Variants in SLC5A4 observed in about 807,000 individuals in gnomAD.
SLC5A4 encodes probable glucose sensor protein SLC5A4.
A neutral mutation model predicts 70.3 loss-of-function variants in SLC5A4; 55 were observed. The observed-to-expected ratio is 0.78, with a 90% CI of 0.63 to 0.98. SLC5A4 has a LOEUF of 0.98. SLC5A4 is among the 50% of genes least tolerant of loss of function. SLC5A4 has a pLI of 0.00. For missense variants in SLC5A4, 735 were observed against 839.2 expected (o/e 0.88, Z 1.53); for synonymous variants, 268 against 305.7 (o/e 0.88, Z 1.29).
intron 10 of SLC5A4, 83 bp downstream of exon 10, chr22:32,230,885 G>A: frequency 2.5e-6 from 2 of 794,786 alleles, no homozygotes; most frequent in Admixed American, 2.0e-5. Flanking sequence ...TTAATGGAAG[G>A]TGCAAGAATT....
At chr22:32,350,016 A>G in the SLC5A4 span, among the ~76,000 whole-genome samples, 19 of 152,284 alleles carry the variant, frequency 1.2e-4, no homozygotes, top group African/African-American at 4.3e-4. Context: ...AAAGCAAGGC[A>G]AAACAAAGCA....
At chr22:32,323,897 CTGA>C in the SLC5A4 span, among the ~76,000 whole-genome samples, 1 of 149,364 alleles carries the variant, frequency 6.7e-6, no homozygotes, top group Non-Finnish European at 1.5e-5. Context: ...CTGCTGCAGG[CTGA>C]TATGTTAAAG....
At chr22:32,306,229 G>A in the SLC5A4 span, among the ~76,000 whole-genome samples, 1 of 152,198 alleles carries the variant, frequency 6.6e-6, no homozygotes, top group Admixed American at 6.5e-5. Context: ...ACTTTGGGAG[G>A]CCGAGGCAGG....
chr22:32,353,726 A>C, the SLC5A4 span, among the ~76,000 whole-genome samples: 1 of 151,494 alleles, frequency 6.6e-6, no homozygotes, highest in Admixed American at 6.6e-5. Flanking sequence ...GCAGCACCCA[A>C]TGGCGCCCAG....
intron 5 of SLC5A4, among the ~76,000 whole-genome samples, chr22:32,246,596 T>C (rs1926843401): frequency 6.6e-6 from 1 of 152,144 alleles, no homozygotes. Flanking sequence ...GGTGTGATCT[T>C]GGCTCACTGC....
the SLC5A4 span, chr22:32,268,164 T>C: frequency 6.6e-6 from 1 of 152,166 alleles, no homozygotes; most frequent in African/African-American, 2.4e-5. Context: ...TGTGTTTCAT[T>C]ATGTTTCACT....
intron 12 of SLC5A4, 129 bp downstream of exon 12, chr22:32,225,526 C>T (rs1925340648): frequency 4.8e-6 from 3 of 629,552 alleles, no homozygotes; most frequent in Non-Finnish European, 8.4e-6. Flanking sequence ...TGTGGCTGAC[C>T]TCAACTAAAA....
At chr22:32,314,821 C>CAGAGAG in the SLC5A4 span, among the ~76,000 whole-genome samples, 1 of 152,094 alleles carries the variant, frequency 6.6e-6, no homozygotes, top group South Asian at 2.1e-4. Context: ...GGCAAAGGGA[C>CAGAGAG]AGAGAGAGTG....
chr22:32,351,816 T>G, the SLC5A4 span, among the ~76,000 whole-genome samples: 1 of 149,686 alleles, frequency 6.7e-6, no homozygotes, highest in South Asian at 2.1e-4. Context: ...TGGACTGTTG[T>G]TTGTTAAGGC....
At chr22:32,304,409 TG>T in the SLC5A4 span, among the ~76,000 whole-genome samples, 1 of 151,920 alleles carries the variant, frequency 6.6e-6, no homozygotes, top group Non-Finnish European at 1.5e-5. Flanking sequence ...TCAAAAGTAC[TG>T]GGATTACAGG....
chr22:32,282,248 G>A, the SLC5A4 span, among the ~76,000 whole-genome samples: 1 of 151,998 alleles, frequency 6.6e-6, no homozygotes, highest in Non-Finnish European at 1.5e-5. Flanking sequence ...TGACCTCATG[G>A]ATTCCCTGAG....
At chr22:32,235,878 G>A (rs967126101) in intron 7 of SLC5A4, among the ~76,000 whole-genome samples, 3 of 152,204 alleles carry the variant, frequency 2.0e-5, no homozygotes, top group Non-Finnish European at 4.4e-5. Context: ...AACACTGCTA[G>A]GATCATGTGC....
chr22:32,353,407 G>A, the SLC5A4 span, among the ~76,000 whole-genome samples: 1 of 152,172 alleles, frequency 6.6e-6, no homozygotes, highest in African/African-American at 2.4e-5. Flanking sequence ...TAGAGGGCGC[G>A]GGCCTGGGAA....
chr22:32,235,987 A>G (rs955808697), intron 7 of SLC5A4, among the ~76,000 whole-genome samples: 8 of 152,220 alleles, frequency 5.3e-5, no homozygotes, highest in Non-Finnish European at 1.2e-4. Flanking sequence ...ACAAAAATAC[A>G]TAGGAGACCC....
chr22:32,223,049 T>C (rs1247227450), intron 13 of SLC5A4, among the ~76,000 whole-genome samples: 2 of 152,174 alleles, frequency 1.3e-5, no homozygotes, highest in Non-Finnish European at 2.9e-5. Flanking sequence ...AGCGCTATTA[T>C]ACATTATTAT....
At chr22:32,348,901 C>A in the SLC5A4 span, among the ~76,000 whole-genome samples, 1 of 152,154 alleles carries the variant, frequency 6.6e-6, no homozygotes, top group Non-Finnish European at 1.5e-5. Context: ...TCATAAATGT[C>A]CCATAACTTG....
At chr22:32,286,565 G>A in the SLC5A4 span, among the ~76,000 whole-genome samples, 9 of 152,200 alleles carry the variant, frequency 5.9e-5, no homozygotes, top group African/African-American at 7.2e-5. Flanking sequence ...ATCCTGTCCC[G>A]ACTAATCATT....
chr22:32,248,656 A>G (rs1434220284), intron 4 of SLC5A4, 87 bp downstream of exon 4: 3 of 953,710 alleles, frequency 3.1e-6, no homozygotes, highest in African/African-American at 3.2e-5. Context: ...TTTCCTGGCA[A>G]TACTCATTGT....
At chr22:32,306,853 G>A in the SLC5A4 span, among the ~76,000 whole-genome samples, 2 of 152,290 alleles carry the variant, frequency 1.3e-5, no homozygotes, top group South Asian at 2.1e-4. Flanking sequence ...AACGGGAAAT[G>A]GGGAACAATA....
Sources: gnomAD v4.1 joint callset for allele counts (sites outside exome capture counted in the v4.1 genomes callset) on GRCh38, gnomAD v4.1.1 for gene constraint, MANE v1.5 for transcripts, NCBI Gene and HGNC (gene_info 2026-07-23, HGNC 2026-07-21) for gene names.